The following ANKRD17 variants were observed in gnomAD, a reference collection of about 807,000 sequenced individuals.
ANKRD17 encodes the protein ankyrin repeat domain-containing protein 17.
ANKRD17 carries 19 observed loss-of-function variants against 229.7 expected under a neutral mutation model. The ratio of observed to expected loss-of-function variants is 0.08; its 90% CI spans 0.06 to 0.12. The LOEUF (loss-of-function observed/expected upper bound fraction) is 0.12. Ranked by LOEUF, ANKRD17 falls within the 10% of genes least tolerant of loss-of-function variation. ANKRD17 has a pLI of 1.00. For missense variants in ANKRD17, 2,176 were observed against 3,176.8 expected (o/e 0.68, Z 7.57); for synonymous variants, 1,112 against 1,146.1 (o/e 0.97, Z 0.60).
intron 15 of ANKRD17, among the ~76,000 whole-genome samples, chr4:73,137,373 C>T (rs905371051): frequency 2.6e-5 from 4 of 151,954 alleles, no homozygotes; most frequent in African/African-American, 7.3e-5. Flanking sequence ...GAAAGACAGA[C>T]GATTTTGGTC....
chr4:73,239,534 A>G (rs1194835858), intron 1 of ANKRD17, among the ~76,000 whole-genome samples: 2 of 152,198 alleles, frequency 1.3e-5, no homozygotes, highest in Non-Finnish European at 2.9e-5. Flanking sequence ...GTTTCAAACA[A>G]TATTTTTATA....
chr4:73,238,043 C>T (rs1743665706), intron 1 of ANKRD17, among the ~76,000 whole-genome samples: 1 of 150,122 alleles, frequency 6.7e-6, no homozygotes, highest in Non-Finnish European at 1.5e-5. Context: ...AATAAGATAA[C>T]CAAATTTAAT....
chr4:73,097,740 G>A (rs1414993250), intron 26 of ANKRD17, among the ~76,000 whole-genome samples: 2 of 152,020 alleles, frequency 1.3e-5, no homozygotes, highest in Non-Finnish European at 2.9e-5. Flanking sequence ...CACCCAGCCT[G>A]AAGAGCCAAC....
At chr4:73,231,466 A>C (rs988579121) in intron 1 of ANKRD17, among the ~76,000 whole-genome samples, 2 of 152,176 alleles carry the variant, frequency 1.3e-5, no homozygotes, top group Admixed American at 1.3e-4. Flanking sequence ...TTTCCAGCCT[A>C]ATCTATTCAT....
intron 30 of ANKRD17, among the ~76,000 whole-genome samples, chr4:73,081,011 T>C (rs1487311770): frequency 3.3e-5 from 5 of 152,232 alleles, no homozygotes; most frequent in Non-Finnish European, 5.9e-5. Context: ...AAGTTTACTC[T>C]CTGCACAGAT....
chr4:73,213,864 C>T (rs1299913137), intron 1 of ANKRD17, among the ~76,000 whole-genome samples: 1 of 152,044 alleles, frequency 6.6e-6, no homozygotes, highest in Non-Finnish European at 1.5e-5. Flanking sequence ...GAAAGAACTT[C>T]TCTTGACCAG....
intron 11 of ANKRD17, among the ~76,000 whole-genome samples, chr4:73,144,302 AT>A (rs1729964886): frequency 1.3e-5 from 2 of 152,192 alleles, no homozygotes; most frequent in Non-Finnish European, 2.9e-5. Context: ...TATTGTGAAC[AT>A]TTTTTGTACT....
intron 25 of ANKRD17, 26 bp from the exon 26 acceptor site, chr4:73,098,546 G>T: frequency 6.3e-7 from 1 of 1,590,946 alleles, no homozygotes; most frequent in Non-Finnish European, 8.6e-7. Context: ...TACTGAATTA[G>T]CAAGTTCTAA....
Position 73,258,267 on chromosome 4 carries a change from G to A in ANKRD17, c.393+9C>T, listed in dbSNP as rs1040969616. The stretch of plus-strand genomic sequence containing the variant: ...TTCCTCCCTCCTTCCTTTGAAACCA[G>A]GCCCTTGCCTCAGAAACCTCCTCTT... On this transcript the variant is annotated intron_variant, in intron 1 of 33. Transcript: ENST00000358602. The A allele has an allele frequency of 6.2e-7, 1 of 1,613,520 alleles. No homozygotes were observed. Among genetic ancestry groups the A allele is most frequent in the African/African-American group, 1.3e-5 (1 of 74,884 alleles).
At position 73,133,300 on chromosome 4, in the gene ANKRD17, A is replaced by G. The variant is rs570066939; in HGVS notation, c.3234+1817T>C. On this transcript the variant is annotated intron_variant, in intron 16 of 33. Transcript: ENST00000358602. ...AAGCAAAAAAGACTGGGGAAAAATA[A>G]TGCAAATTCAATGCCAAGTTCAAAC... is the stretch of plus-strand genomic sequence containing the variant. Among the ~76,000 whole-genome samples the G allele has an allele frequency of 9.9e-5, 15 of 152,226 alleles. No homozygotes were observed. The South Asian group carries it at 3.1e-3, about 32-fold the overall frequency.
intron 29 of ANKRD17, among the ~76,000 whole-genome samples, chr4:73,086,462 T>C (rs959902345): frequency 9.2e-5 from 14 of 152,216 alleles, no homozygotes; most frequent in African/African-American, 3.4e-4. Flanking sequence ...ACATTTGTTT[T>C]TGAAATATGT....
chr4:73,236,510 C>T lies in ANKRD17; in HGVS notation c.393+21766G>A, dbSNP rs75836857. 3.8e-3 allele frequency among the ~76,000 whole-genome samples: 576 copies of T among 152,158 alleles called. 3 individuals are homozygous for T. The highest frequency in any genetic ancestry group is 0.013 in the African/African-American group (546 of 41,504). ...ATGGTTCACACCTCAAATACCTATG[C>T]CTCAAAAACTCTATATCCCAGAAAC... is the stretch of plus-strand genomic sequence containing the variant. On this transcript the variant is annotated intron_variant, in intron 1 of 33. Transcript: ENST00000358602.
chr4:73,097,011 G>C, intron 27 of ANKRD17, 106 bp downstream of exon 27: 1 of 1,328,974 alleles, frequency 7.5e-7, no homozygotes, highest in Non-Finnish European at 1.0e-6. Flanking sequence ...TGAACCATCA[G>C]TTTGTTTGCA....
At chr4:73,191,754 G>C (rs1193796704) in intron 1 of ANKRD17, among the ~76,000 whole-genome samples, 1 of 151,912 alleles carries the variant, frequency 6.6e-6, no homozygotes, top group Non-Finnish European at 1.5e-5. Flanking sequence ...GTTTCACTGG[G>C]AATCAGGCAA....
At chr4:73,136,571 CTGTT>C in intron 15 of ANKRD17, among the ~76,000 whole-genome samples, 2 of 152,070 alleles carry the variant, frequency 1.3e-5, no homozygotes. Flanking sequence ...AAACAAAACA[CTGTT>C]TGAATCCTTA....
At chr4:73,164,483 T>C (rs900269726) in intron 2 of ANKRD17, among the ~76,000 whole-genome samples, 1 of 152,188 alleles carries the variant, frequency 6.6e-6, no homozygotes, top group African/African-American at 2.4e-5. Context: ...CTTATCCAGC[T>C]ATTGAATATT....
At chr4:73,206,320 C>G (rs1019457586) in intron 1 of ANKRD17, among the ~76,000 whole-genome samples, 2 of 151,282 alleles carry the variant, frequency 1.3e-5, no homozygotes, top group Non-Finnish European at 2.9e-5. Flanking sequence ...TCACAACCAC[C>G]AAGATACGGA....
chr4:73,114,932 T>A (rs1034232460), intron 23 of ANKRD17, among the ~76,000 whole-genome samples: 6 of 152,180 alleles, frequency 3.9e-5, no homozygotes, highest in Admixed American at 6.5e-5. Flanking sequence ...AAAATGTATG[T>A]CTCCAGGAGA....
Position 73,085,404 on chromosome 4 carries a change from G to C in ANKRD17, c.7004C>G (p.Ser2335Cys). 1 of 1,614,134 alleles carries C rather than the reference G, an allele frequency of 6.2e-7. No individual in the cohort carries two copies. The stretch of plus-strand genomic sequence containing the variant: ...AGCAAAGTTTCCCAAATGTGTTGAA[G>C]AAGGTGTTACAGAACCATATGGCGA... The part of the protein sequence containing the change: ...MDSPYGSVTP[S>C]STHLGNFASN... The change falls in exon 30 of 34, where the codon TCT becomes TGT. Residue 2335 changes from serine to cysteine, a missense_variant. Ser to Cys is a moderately radical substitution (Grantham distance 112). Around this residue, in one of 18 missense-constraint regions of ANKRD17, gnomAD observed 87 missense variants for 116.0 expected, o/e 0.75. Coordinates refer to ENST00000358602, the MANE Select transcript of ANKRD17 (RefSeq NM_032217.5).
Sources: allele counts gnomAD v4.1 joint callset (sites outside exome capture counted in the v4.1 genomes callset), GRCh38; gene constraint gnomAD v4.1.1; regional missense constraint gnomAD v4.1.1; transcripts MANE v1.5; gene names NCBI Gene and HGNC (gene_info 2026-07-23, HGNC 2026-07-21).